ANO4: variants seen among roughly 807,000 people sequenced by gnomAD.
ANO4 encodes the protein anoctamin 4.
A neutral mutation model predicts 141.9 loss-of-function variants in ANO4; 69 were observed. The observed-to-expected ratio is 0.49, with a 90% CI of 0.40 to 0.59. The LOEUF (loss-of-function observed/expected upper bound fraction) is 0.59, where lower values mean the gene tolerates loss of function less well. Among genes scored for constraint, ANO4 ranks in the 20% least tolerant of loss-of-function variants. The pLI, the probability that ANO4 is intolerant of heterozygous loss-of-function variation, is 0.00. For synonymous variants in ANO4, 350 were observed against 394.3 expected, an observed-to-expected ratio of 0.89 and a Z score of 1.33; for missense variants, 894 against 1,162.2, an observed-to-expected ratio of 0.77 and a Z score of 3.36.
intron 8 of ANO4, among the ~76,000 whole-genome samples, chr12:100,997,206 T>C (rs1806439): frequency 0.28 from 42,446 of 151,398 alleles, 6,444 homozygotes; most frequent in Non-Finnish European, 0.35. Context: ...TGGTTGCGCG[T>C]GCCTTTAATC....
chr12:101,019,116 G>A (rs999744118), intron 8 of ANO4, among the ~76,000 whole-genome samples: 11 of 152,138 alleles, frequency 7.2e-5, no homozygotes, highest in African/African-American at 2.7e-4. Flanking sequence ...GAGTGTTGGG[G>A]AAAATGCCTA....
intron 1 of ANO4, among the ~76,000 whole-genome samples, chr12:100,831,612 T>A (rs2036636025): frequency 6.6e-6 from 1 of 151,966 alleles, no homozygotes; most frequent in Admixed American, 6.6e-5. Context: ...AGGAAAAGAG[T>A]GTATGAAACT....
At chr12:100,876,117 C>T (rs2039288801) in intron 1 of ANO4, among the ~76,000 whole-genome samples, 1 of 151,984 alleles carries the variant, frequency 6.6e-6, no homozygotes, top group Admixed American at 6.6e-5. Context: ...AGTAAGTGCT[C>T]CGTATTTTTA....
chr12:101,083,824 A>C lies in ANO4; in HGVS notation c.1536+6A>C. ...CATCTGGAATATTTTTTATGGTTTG[A>C]AACTTTTAAAAAAATATTTGTTTCA... is the stretch of plus-strand genomic sequence containing the variant. On this transcript the variant is annotated splice_donor_region_variant and intron_variant, in intron 16 of 27. Transcript: ENST00000392977. The C allele has an allele frequency of 3.2e-6, 5 of 1,545,688 alleles. No homozygotes were observed. Among genetic ancestry groups the C allele is most frequent in the Non-Finnish European group, 4.3e-6 (5 of 1,154,542 alleles).
intron 3 of ANO4, among the ~76,000 whole-genome samples, chr12:100,751,422 C>G (rs892431014): frequency 2.6e-5 from 4 of 152,158 alleles, no homozygotes; most frequent in African/African-American, 9.7e-5. Context: ...GTTTGTAGTT[C>G]TCTCCAGCAA....
At chr12:100,744,986 C>A (rs1401451406) in intron 3 of ANO4, among the ~76,000 whole-genome samples, 1 of 151,948 alleles carries the variant, frequency 6.6e-6, no homozygotes, top group Non-Finnish European at 1.5e-5. Flanking sequence ...CTCTCCCTCC[C>A]TCTCCCACCT....
At chr12:101,043,424 T>C in intron 12 of ANO4, 115 bp from the exon 13 acceptor site, 1 of 714,890 alleles carries the variant, frequency 1.4e-6, no homozygotes. Flanking sequence ...CTAAGATGCT[T>C]CTAAGGGCAA....
intron 2 of ANO4, among the ~76,000 whole-genome samples, chr12:100,907,149 C>T (rs1227903490): frequency 6.6e-6 from 1 of 152,200 alleles, no homozygotes; most frequent in East Asian, 1.9e-4. Context: ...TGTGAGCCCA[C>T]CTTTTCAAGT....
intron 19 of ANO4, 130 bp downstream of exon 19, chr12:101,096,777 C>T: frequency 4.5e-6 from 3 of 671,862 alleles, no homozygotes; most frequent in Non-Finnish European, 2.6e-6. Flanking sequence ...GAGCATCCTC[C>T]TCCCTTCTCT....
Position 101,041,252 on chromosome 12 carries a change from T to C in ANO4, c.1020-1082T>C, listed in dbSNP as rs546968320. The stretch of plus-strand genomic sequence containing the variant: ...GACAATGCACTTTATATTTGAGCCC[T>C]TATCACCAAGTGTTCCAAGGGCATT... On this transcript the variant is annotated intron_variant, in intron 11 of 27. Transcript: ENST00000392977. 1.1e-4 allele frequency among the ~76,000 whole-genome samples: 17 copies of C among 152,340 alleles called. No homozygotes were observed. The Middle Eastern group carries it at 0.01, about 91-fold the overall frequency.
At chr12:100,818,674 T>C (rs1158824981) in intron 1 of ANO4, among the ~76,000 whole-genome samples, 1 of 151,942 alleles carries the variant, frequency 6.6e-6, no homozygotes, top group East Asian at 1.9e-4. Flanking sequence ...GTTTGTGACA[T>C]TGAATAAATT....
At chr12:101,009,956 AC>A (rs1359893464) in intron 8 of ANO4, among the ~76,000 whole-genome samples, 1 of 151,782 alleles carries the variant, frequency 6.6e-6, no homozygotes. Context: ...CTGGACCTTC[AC>A]CCCACTTCTT....
intron 1 of ANO4, among the ~76,000 whole-genome samples, chr12:100,887,019 T>C (rs2039867541): frequency 6.6e-6 from 1 of 152,218 alleles, no homozygotes; most frequent in Non-Finnish European, 1.5e-5. Flanking sequence ...CAGTAGTTGT[T>C]GGGGACAATA....
chr12:100,813,317 G>A (rs779685320), intron 1 of ANO4, among the ~76,000 whole-genome samples: 5 of 152,140 alleles, frequency 3.3e-5, no homozygotes, highest in African/African-American at 7.2e-5. Context: ...CCTCTCCAAG[G>A]GCTTTAAATA....
intron 1 of ANO4, among the ~76,000 whole-genome samples, chr12:100,725,621 T>C (rs1312915091): frequency 6.6e-6 from 1 of 152,074 alleles, no homozygotes; most frequent in Non-Finnish European, 1.5e-5. Flanking sequence ...GCTGGGATTA[T>C]AGGCATGAGC....
chr12:100,895,080 G>A (rs1014408990), intron 1 of ANO4, among the ~76,000 whole-genome samples: 3 of 151,574 alleles, frequency 2.0e-5, no homozygotes, highest in African/African-American at 7.3e-5. Flanking sequence ...CCAGGAAGGC[G>A]AAGCACTGGA....
At chr12:100,875,803 A>G (rs1304036694) in intron 1 of ANO4, among the ~76,000 whole-genome samples, 1 of 152,190 alleles carries the variant, frequency 6.6e-6, no homozygotes, top group African/African-American at 2.4e-5. Context: ...CTGGGAGGAT[A>G]AAGGATGCCA....
At chr12:100,894,961 A>G (rs1307077651) in intron 1 of ANO4, among the ~76,000 whole-genome samples, 2 of 118,524 alleles carry the variant, frequency 1.7e-5, no homozygotes, top group East Asian at 2.9e-4. Context: ...GCGAGACTCC[A>G]TCTCAAAAAA....
chr12:100,890,070 A>G (rs1321493928), intron 1 of ANO4, among the ~76,000 whole-genome samples: 1 of 151,640 alleles, frequency 6.6e-6, no homozygotes, highest in African/African-American at 2.4e-5. Flanking sequence ...TTATGTCAGT[A>G]TTAATTATAA....
Sources: allele counts gnomAD v4.1 joint callset (sites outside exome capture counted in the v4.1 genomes callset), GRCh38; gene constraint gnomAD v4.1.1; transcripts MANE v1.5; gene names NCBI Gene and HGNC (gene_info 2026-07-23, HGNC 2026-07-21).